ANXA9: variants seen among roughly 807,000 people sequenced by gnomAD.
ANXA9 encodes annexin A9.
In ANXA9, 47 loss-of-function variants were observed where a neutral mutation model predicts 51.8. The ratio of observed to expected loss-of-function variants is 0.91; its 90% confidence interval spans 0.72 to 1.16. The LOEUF is 1.16. ANXA9 is among the 50% of genes most tolerant of loss of function. ANXA9 has a pLI of 0.00. For missense variants in ANXA9, 361 were observed against 424.7 expected (o/e 0.85, Z 1.32); for synonymous variants, 154 against 168.7 (o/e 0.91, Z 0.68).
intron 13 of ANXA9, 69 bp from the exon 14 acceptor site, chr1:150,995,191 A>G (rs1437943770): frequency 1.3e-5 from 19 of 1,501,374 alleles, no homozygotes; most frequent in Non-Finnish European, 1.7e-5. Context: ...ACCAGCCCAA[A>G]GGAGGGGAGA....
At chr1:150,988,872 T>C (rs1175941238) in intron 12 of ANXA9, among the ~76,000 whole-genome samples, 2 of 152,222 alleles carry the variant, frequency 1.3e-5, no homozygotes, top group Non-Finnish European at 2.9e-5. Context: ...CACTTCACGA[T>C]GTAAGATATT....
intron 12 of ANXA9, 79 bp downstream of exon 12, chr1:150,988,420 C>G: frequency 6.5e-7 from 1 of 1,532,468 alleles, no homozygotes; most frequent in Non-Finnish European, 9.0e-7. Context: ...GCTTATGTAA[C>G]CATCCTATAT....
At chr1:150,981,562 A>AG (rs587735058), upstream of ANXA9, among the ~76,000 whole-genome samples, 21 of 152,330 alleles carry the variant, frequency 1.4e-4, 1 homozygote, top group South Asian at 4.4e-3. Context: ...AAACAGCCAC[A>AG]GGGCCCAGGC....
chr1:150,981,425 G>A (rs1418571739), upstream of ANXA9, among the ~76,000 whole-genome samples: 2 of 152,360 alleles, frequency 1.3e-5, no homozygotes, highest in East Asian at 3.9e-4. Flanking sequence ...TTAGACCTGA[G>A]GGAGCCAGCT....
intron 7 of ANXA9, among the ~76,000 whole-genome samples, chr1:150,985,654 C>A (rs1024442468): frequency 1.3e-5 from 2 of 152,088 alleles, no homozygotes; most frequent in African/African-American, 4.8e-5. Flanking sequence ...CAGCCTTGAC[C>A]CTTCTGGGCT....
chr1:150,987,488 G>A (rs1227267489), intron 9 of ANXA9, among the ~76,000 whole-genome samples: 1 of 152,054 alleles, frequency 6.6e-6, no homozygotes, highest in Non-Finnish European at 1.5e-5. Flanking sequence ...AACAATTTGG[G>A]AGGCCGAGAC....
chr1:150,983,390 T>C lies in ANXA9; in HGVS notation c.128T>C (p.Val43Ala). The change falls in exon 4 of 14, where the codon GTG becomes GCG. Residue 43 changes from valine (V) to alanine (A), a missense_variant. Transcript: ENST00000368947. ...GTLRTFLNFS[V>A]DKDAQRLLRA... ...CTCAGGACCTTCTTGAACTTCAGCGTGGACAAGGATGCGCAGAGGCTACTG... is the reference window on the plus strand; with the variant it reads ...CTCAGGACCTTCTTGAACTTCAGCGCGGACAAGGATGCGCAGAGGCTACTG... 6.2e-7 allele frequency: 1 copy of C among 1,613,986 alleles called. No homozygotes were observed. The highest frequency in any genetic ancestry group is 8.5e-7 in the Non-Finnish European group (1 of 1,179,924).
chr1:150,984,797 T>C (rs1195678248), intron 7 of ANXA9, 121 bp downstream of exon 7: 13 of 746,684 alleles, frequency 1.7e-5, no homozygotes, highest in Middle Eastern at 7.7e-4. Context: ...TTCTATTCCC[T>C]TGGGGTCTTT....
In ANXA9 at chr1:150,986,586, C is replaced by T. The variant is rs774696006; in HGVS notation, c.553-16C>T. On this transcript the variant is annotated splice_polypyrimidine_tract_variant and intron_variant, in intron 8 of 13. Coordinates refer to ENST00000368947, the MANE Select transcript of ANXA9 (RefSeq NM_003568.3). ...TGCCCTTCAAAGAGCCCTCTAAGAA[C>T]AGTTTCTCCTCCTAGGGGGGCCGTG... 2 of 1,611,052 alleles carry T rather than the reference C, an allele frequency of 1.2e-6. No homozygotes were observed. Among genetic ancestry groups the T allele is most frequent in the Non-Finnish European group, 1.7e-6 (2 of 1,178,878 alleles).
At chr1:150,989,751 A>G (rs587757063) in intron 12 of ANXA9, among the ~76,000 whole-genome samples, 11 of 152,296 alleles carry the variant, frequency 7.2e-5, no homozygotes, top group Admixed American at 3.3e-4. Flanking sequence ...CCATCATGCC[A>G]TGTTGATGAT....
chr1:150,984,519 G>T lies in ANXA9; in HGVS notation c.382-67G>T, dbSNP rs371333894. On this transcript the variant is annotated intron_variant, in intron 6 of 13. Coordinates refer to ENST00000368947, the MANE Select transcript of ANXA9 (RefSeq NM_003568.3). ...TTTCTTAGAAGGAGAAGCAGCCAGC[G>T]TCTGCCCCTCTGTCTGCCATCCTAA... is the stretch of plus-strand genomic sequence containing the variant. The T allele has an allele frequency of 5.2e-6, 8 of 1,536,146 alleles. No homozygotes were observed. In the East Asian group the frequency reaches 1.6e-4, roughly 30 times the overall value.
chr1:150,980,179 G>A (rs1216754757), upstream of ANXA9, among the ~76,000 whole-genome samples: 5 of 152,120 alleles, frequency 3.3e-5, no homozygotes, highest in African/African-American at 7.2e-5. Context: ...GGTGGATCAC[G>A]AGGTCAGGAG....
chr1:150,981,076 G>A (rs1382968211), upstream of ANXA9, among the ~76,000 whole-genome samples: 2 of 152,148 alleles, frequency 1.3e-5, no homozygotes, highest in Admixed American at 1.3e-4. Flanking sequence ...CATTTAGAGA[G>A]CTGAAAGGAC....
Position 150,995,285 on chromosome 1 carries a change from C to A in ANXA9, c.1001C>A (p.Ser334Ter). The A allele has an allele frequency of 6.2e-7, 1 of 1,610,836 alleles. No individual in the cohort carries two copies. The highest frequency in any genetic ancestry group is 1.1e-5 in the South Asian group (1 of 90,438). The change falls in exon 14 of 14, where the codon TCA (serine) becomes TAA (stop). Residue 334 changes from serine (S) to a stop codon, truncating the protein, a stop_gained. Transcript: ENST00000368947. LOFTEE classifies it high-confidence loss of function. ...GATGCAGTGAAAGGGGATTGCCAGTCAGCCCTCCTGGCCTTGTGCAGGGCT... is the reference window on the plus strand; with the variant it reads ...GATGCAGTGAAAGGGGATTGCCAGTAAGCCCTCCTGGCCTTGTGCAGGGCT... ...LQDAVKGDCQ[S>*]ALLALCRAED... is the part of the protein sequence containing the mutation.
chr1:150,986,696 A>G (rs372424947), intron 9 of ANXA9, 35 bp downstream of exon 9: 95 of 1,549,082 alleles, frequency 6.1e-5, no homozygotes, highest in Non-Finnish European at 5.4e-5. Context: ...CACAGCCGCC[A>G]TGCACATAAG....
intron 7 of ANXA9, 116 bp downstream of exon 7, chr1:150,984,792 T>A: frequency 2.5e-6 from 2 of 796,824 alleles, no homozygotes; most frequent in Admixed American, 5.2e-5. Context: ...CTAAGTTCTA[T>A]TCCCTTGGGG....
chr1:150,978,148 A>C (rs1171193989), upstream of ANXA9, among the ~76,000 whole-genome samples: 1 of 147,052 alleles, frequency 6.8e-6, no homozygotes, highest in Non-Finnish European at 1.5e-5. Flanking sequence ...AATAAATAAA[A>C]GGCTGGGTGC....
rs761450893 is a variant in ANXA9, at chr1:150,984,068, A to G, written c.266A>G (p.Gln89Arg). ...CGAAACTTCCAGGAGCGCACCCAAC[A>G]GGTGAGGCCATGCTGACCTCCCACA... ...ISRNFQERTQQDLMKSLQAAL... is the reference protein window; with the variant it reads ...ISRNFQERTQRDLMKSLQAAL... The change falls in exon 5 of 14, where the codon CAG becomes CGG. Residue 89 changes from glutamine to arginine, a missense_variant and splice_region_variant. Coordinates refer to ENST00000368947, the MANE Select transcript of ANXA9 (RefSeq NM_003568.3). The G allele has an allele frequency of 4.3e-6, 7 of 1,609,542 alleles. No individual in the cohort carries two copies. In the East Asian group the frequency reaches 1.3e-4, roughly 31 times the overall value.
chr1:150,986,025 CT>C (rs1305861366), intron 7 of ANXA9, among the ~76,000 whole-genome samples: 34 of 152,284 alleles, frequency 2.2e-4, no homozygotes, highest in Non-Finnish European at 1.0e-4. Flanking sequence ...TCCTAACCAT[CT>C]TGTGTTATAA....
Sources: gnomAD v4.1 joint callset for allele counts (sites outside exome capture counted in the v4.1 genomes callset) on GRCh38, gnomAD v4.1.1 for gene constraint, MANE v1.5 for transcripts, NCBI Gene and HGNC (gene_info 2026-07-23, HGNC 2026-07-21) for gene names.